Variants in MAP2K5 observed in about 807,000 individuals in gnomAD.
The protein encoded by MAP2K5 is dual specificity mitogen-activated protein kinase kinase 5.
A neutral mutation model predicts 83.1 loss-of-function variants in MAP2K5; 49 were observed. The ratio of observed to expected loss-of-function variants is 0.59; its 90% CI spans 0.47 to 0.75. MAP2K5 has a LOEUF of 0.75. MAP2K5 is among the 30% of genes least tolerant of loss of function. The probability of loss-of-function intolerance (pLI) is 0.00; values close to 1 mark genes in which losing one functional copy is unlikely to be tolerated. For missense variants in MAP2K5, 457 were observed against 557.5 expected (o/e 0.82, Z 1.82); for synonymous variants, 202 against 191.8 (o/e 1.05, Z -0.44).
At chr15:67,603,093 A>G (rs1257068471) in intron 8 of MAP2K5, among the ~76,000 whole-genome samples, 1 of 152,234 alleles carries the variant, frequency 6.6e-6, no homozygotes, top group Non-Finnish European at 1.5e-5. Flanking sequence ...ACATAACTCA[A>G]GTTAACATTT....
At position 67,783,060 on chromosome 15, in the gene MAP2K5, TTCTACTGTTGTGAGACA is replaced by T. The variant is rs1396981178; in HGVS notation, c.1242+10310_1242+10326del. ...TGCAGATTTGTATTGCAGAAGCCTT[TTCTACTGTTGTGAGACA>T]TGGAGAGAAGCCGATGTGGGAATCA... On this transcript the variant is annotated intron_variant, in intron 21 of 21. Coordinates refer to ENST00000178640, the MANE Select transcript of MAP2K5 (RefSeq NM_145160.3). This position sits in a 1 kb window ranked among gnomAD's most constrained non-coding sequence, Gnocchi z 5.1. Among the ~76,000 whole-genome samples the T allele has an allele frequency of 2.0e-5, 3 of 152,250 alleles. No homozygotes were observed. The highest frequency in any genetic ancestry group is 4.4e-5 in the Non-Finnish European group (3 of 68,044).
intron 7 of MAP2K5, among the ~76,000 whole-genome samples, chr15:67,598,960 A>G (rs1336816414): frequency 6.6e-6 from 1 of 152,202 alleles, no homozygotes; most frequent in Non-Finnish European, 1.5e-5. Context: ...ACTTAGAGAA[A>G]TGTTCTAAGG....
At chr15:67,598,919 C>A (rs763609660) in intron 7 of MAP2K5, among the ~76,000 whole-genome samples, 1 of 152,162 alleles carries the variant, frequency 6.6e-6, no homozygotes, top group Non-Finnish European at 1.5e-5. Flanking sequence ...GTTAATAGTA[C>A]AAATCAGGTT....
In MAP2K5 at chr15:67,543,172, G is replaced by A; in HGVS notation, c.-164G>A. The A allele has an allele frequency of 2.9e-6, 2 of 681,312 alleles. No individual in the cohort carries two copies. Among genetic ancestry groups the A allele is most frequent in the South Asian group, 1.9e-5 (1 of 53,126 alleles). The allele number at this position is 681,312 out of a possible 1,614,324, so 42.2% of individuals were successfully genotyped here. A position where few individuals can be genotyped will look rare whatever the true frequency, so the allele number is the denominator to read the frequency against. On this transcript the variant is annotated 5_prime_UTR_variant, in exon 1 of 22. Transcript: ENST00000178640. This position sits in a 1 kb window ranked among gnomAD's most constrained non-coding sequence, Gnocchi z 4.3. ...GGGCAGGCTCGGTGCCTGCGGGTGC[G>A]TTCCTGATCACCCCTCCCCTCTTCC... is the stretch of plus-strand genomic sequence containing the variant.
intron 17 of MAP2K5, among the ~76,000 whole-genome samples, chr15:67,743,954 T>A (rs1471788115): frequency 6.6e-6 from 1 of 152,130 alleles, no homozygotes; most frequent in Non-Finnish European, 1.5e-5. Context: ...TACTCCAAAG[T>A]TCATGCGTTT....
At chr15:67,734,057 C>T (rs975411602) in intron 17 of MAP2K5, among the ~76,000 whole-genome samples, 1 of 152,194 alleles carries the variant, frequency 6.6e-6, no homozygotes, top group Non-Finnish European at 1.5e-5. Flanking sequence ...TGCCTTGCTT[C>T]AGCAGATTCT....
At chr15:67,694,235 AC>A (rs1159000955) in intron 15 of MAP2K5, among the ~76,000 whole-genome samples, 2 of 152,068 alleles carry the variant, frequency 1.3e-5, no homozygotes, top group Non-Finnish European at 2.9e-5. Context: ...TTTCATAATC[AC>A]CTTGAGAGTC....
At chr15:67,732,723 T>C (rs2089248629) in intron 17 of MAP2K5, among the ~76,000 whole-genome samples, 1 of 152,166 alleles carries the variant, frequency 6.6e-6, no homozygotes, top group Non-Finnish European at 1.5e-5. Context: ...TGTTGTTAAT[T>C]TTCCCTGCTC....
rs376041336 is a variant in MAP2K5 at position 67,686,719 on chromosome 15, A to G, written c.848-5760A>G. On this transcript the variant is annotated intron_variant, in intron 13 of 21. Coordinates refer to ENST00000178640, the MANE Select transcript of MAP2K5 (RefSeq NM_145160.3). ...TGACAAAACCACTCAGTGATTTACC[A>G]AAGGCTGGGGGTCAGGGTAGAACTG... Among the ~76,000 whole-genome samples, 10 of 152,288 alleles carry G rather than the reference A, an allele frequency of 6.6e-5. No homozygotes were observed. In the East Asian group the frequency reaches 1.2e-3, roughly 18 times the overall value.
chr15:67,695,345 A>G (rs934168907), intron 15 of MAP2K5, among the ~76,000 whole-genome samples: 3 of 152,192 alleles, frequency 2.0e-5, no homozygotes, highest in African/African-American at 7.2e-5. Flanking sequence ...TCAGAACAAT[A>G]CAAAACATTT....
Position 67,665,471 on chromosome 15 carries a change from C to T in MAP2K5, c.847+826C>T, listed in dbSNP as rs1360089503. On this transcript the variant is annotated intron_variant, in intron 13 of 21. Coordinates refer to ENST00000178640, the MANE Select transcript of MAP2K5 (RefSeq NM_145160.3). The surrounding 1 kb of genome is among the most constrained non-coding windows in gnomAD (Gnocchi z 4.2). ...CATTTGGGGAATGGAACAGCATACA[C>T]ATTAGATGTGACTAAAGGAAAGTTT... is the stretch of plus-strand genomic sequence containing the variant. Among the ~76,000 whole-genome samples the T allele has an allele frequency of 6.6e-6, 1 of 152,126 alleles. No individual in the cohort carries two copies. The highest frequency in any genetic ancestry group is 1.5e-5 in the Non-Finnish European group (1 of 68,018).
rs191447823 is a variant in MAP2K5, at chr15:67,583,984, A to G, written c.323-1906A>G. Reference sequence around the variant, plus strand: ...GGCTGGTGTCAAACTCCTGAGCTCAAGCAATCCTCCCACCACCACTTCTCC... The same window carrying G: ...GGCTGGTGTCAAACTCCTGAGCTCAGGCAATCCTCCCACCACCACTTCTCC... On this transcript the variant is annotated intron_variant, in intron 4 of 21. Coordinates refer to ENST00000178640, the MANE Select transcript of MAP2K5 (RefSeq NM_145160.3). Among the ~76,000 whole-genome samples the G allele has an allele frequency of 5.7e-3, 860 of 152,016 alleles. 4 individuals carry two copies. Among genetic ancestry groups the G allele is most frequent in the African/African-American group, 0.02 (811 of 41,408 alleles).
intron 16 of MAP2K5, among the ~76,000 whole-genome samples, chr15:67,715,563 TG>T (rs1421060342): frequency 1.3e-5 from 2 of 152,202 alleles, no homozygotes; most frequent in African/African-American, 4.8e-5. Context: ...GTTATTTTGA[TG>T]GATTTCAGAC....
In MAP2K5 at chr15:67,652,781, T is replaced by G. The variant is rs2086982859; in HGVS notation, c.737-5772T>G. Among the ~76,000 whole-genome samples, 1 of 152,134 alleles carries G rather than the reference T, an allele frequency of 6.6e-6. No homozygotes were observed. The highest frequency in any genetic ancestry group is 6.6e-5 in the Admixed American group (1 of 15,256). On this transcript the variant is annotated intron_variant, in intron 11 of 21. Transcript: ENST00000178640. The surrounding 1 kb of genome is among the most constrained non-coding windows in gnomAD (Gnocchi z 4.2). ...AAACTGAAACTCTATACCTATTAAA[T>G]AAGAACTCCTCATTCACCCCCGCTC...
chr15:67,554,030 C>T (rs2084571781), intron 2 of MAP2K5, among the ~76,000 whole-genome samples: 1 of 149,276 alleles, frequency 6.7e-6, no homozygotes, highest in East Asian at 2.0e-4. Flanking sequence ...TGAATAAATA[C>T]AACTTTAATA....
rs533112505 is a variant in MAP2K5 at position 67,600,703 on chromosome 15, C to T, written c.499C>T (p.Arg167Ter). ...TGTGGAGATGAATGAACAAGACATA[C>T]GATATCGGGACACTCTTGGTCATGG... ...ANGQMNEQDI[R>*]YRDTLGHGNG... Residue 167 changes from arginine to a stop codon, truncating the protein, a stop_gained, in exon 8 of 22, where the codon CGA becomes TGA. Transcript: ENST00000178640. LOFTEE classifies it high-confidence loss of function. 11 of 1,609,032 alleles carry T rather than the reference C, an allele frequency of 6.8e-6. No homozygotes were observed. Among genetic ancestry groups the T allele is most frequent in the East Asian group, 2.2e-5 (1 of 44,804 alleles).
chr15:67,701,259 C>T (rs2088409596), intron 15 of MAP2K5, among the ~76,000 whole-genome samples: 1 of 152,046 alleles, frequency 6.6e-6, no homozygotes, highest in South Asian at 2.1e-4. Context: ...ACATGAATAG[C>T]AATGTATGAG....
In MAP2K5 at chr15:67,596,318, G is replaced by A. The variant is rs570563591; in HGVS notation, c.480+3344G>A. Among the ~76,000 whole-genome samples the A allele has an allele frequency of 2.6e-5, 4 of 152,228 alleles. No individual in the cohort carries two copies. In the South Asian group the frequency reaches 8.3e-4, roughly 32 times the overall value. On this transcript the variant is annotated intron_variant, in intron 7 of 21. Transcript: ENST00000178640. ...ATGCCCAGCTACTTAGGTGGCTGAG[G>A]CATAAGAATAGCTTGAACCCAGGAG...
In MAP2K5 at chr15:67,768,241, A is replaced by G. The variant is rs2141298806; in HGVS notation, c.1135-1361A>G. Among the ~76,000 whole-genome samples the G allele has an allele frequency of 6.6e-6, 1 of 152,304 alleles. No individual in the cohort carries two copies. Among genetic ancestry groups the G allele is most frequent in the South Asian group, 2.1e-4 (1 of 4,816 alleles). ...TCTCATTTTTCTGATAATTGGCCAC[A>G]GCAATTATATGTATATTTACTAATC... On this transcript the variant is annotated intron_variant, in intron 19 of 21. Coordinates refer to ENST00000178640, the MANE Select transcript of MAP2K5 (RefSeq NM_145160.3). The surrounding 1 kb of genome is among the most constrained non-coding windows in gnomAD (Gnocchi z 4.0).
Sources: gnomAD v4.1 joint callset for allele counts (sites outside exome capture counted in the v4.1 genomes callset) on GRCh38, gnomAD v4.1.1 for gene constraint, Gnocchi (gnomAD v3.1) non-coding constraint, MANE v1.5 for transcripts, NCBI Gene and HGNC (gene_info 2026-07-23, HGNC 2026-07-21) for gene names.